The following NRG1 variants were observed in gnomAD, a reference collection of about 807,000 sequenced individuals.
The protein encoded by NRG1 is pro-neuregulin-1, membrane-bound isoform.
Under a neutral mutation model 63.8 loss-of-function variants are expected in NRG1, and 18 were observed. The ratio of observed to expected loss-of-function variants is 0.28; its 90% CI spans 0.19 to 0.42. The LOEUF (loss-of-function observed/expected upper bound fraction) is 0.42. Among genes scored for constraint, NRG1 ranks in the 10% least tolerant of loss-of-function variants. The probability of loss-of-function intolerance (pLI) is 1.00; values close to 1 mark genes in which losing one functional copy is unlikely to be tolerated. For missense variants in NRG1, 762 were observed against 814.7 expected, an observed-to-expected ratio of 0.94 and a Z score of 0.79; for synonymous variants, 302 against 301.3, an observed-to-expected ratio of 1.00 and a Z score of -0.02.
At chr8:32,383,059 T>TAA (rs56030067) in intron 1 of NRG1, among the ~76,000 whole-genome samples, 20 of 126,484 alleles carry the variant, frequency 1.6e-4, no homozygotes, top group East Asian at 1.2e-3. Context: ...TCGTCCCTAC[T>TAA]AAAAAAAAAA....
At chr8:32,483,829 G>A (rs1374988884) in intron 1 of NRG1, among the ~76,000 whole-genome samples, 1 of 152,176 alleles carries the variant, frequency 6.6e-6, no homozygotes, top group Non-Finnish European at 1.5e-5. Context: ...AAGTGGCCAG[G>A]TGCGGTGGCT....
intron 5 of NRG1, among the ~76,000 whole-genome samples, chr8:32,644,239 T>C (rs888451113): frequency 1.3e-5 from 2 of 152,108 alleles, no homozygotes; most frequent in Non-Finnish European, 2.9e-5. Flanking sequence ...TAGTAAAAAA[T>C]TGTGTAGTTT....
intron 5 of NRG1, chr8:32,648,420 T>G (rs781223462): frequency 1.3e-6 from 2 of 1,599,238 alleles, no homozygotes; most frequent in Non-Finnish European, 1.7e-6. Context: ...ATGATGATGA[T>G]GAATAAAAGG....
intron 1 of NRG1, among the ~76,000 whole-genome samples, chr8:32,088,380 T>C (rs1193924530): frequency 1.3e-5 from 2 of 152,214 alleles, no homozygotes; most frequent in African/African-American, 4.8e-5. Flanking sequence ...GTAAACATTG[T>C]GGAAAGTAAG....
At chr8:32,773,357 C>T (rs1477139049) in intron 7 of NRG1, among the ~76,000 whole-genome samples, 1 of 152,120 alleles carries the variant, frequency 6.6e-6, no homozygotes, top group Non-Finnish European at 1.5e-5. Context: ...AGGGAAGGAA[C>T]TTGAATCCTT....
At chr8:31,859,932 GT>G (rs200993242) in intron 1 of NRG1, among the ~76,000 whole-genome samples, 1,887 of 152,168 alleles carry the variant, frequency 0.012, 29 homozygotes, top group Non-Finnish European at 0.02. Flanking sequence ...AGCCTGCTTA[GT>G]TTTTTTTCCC....
intron 1 of NRG1, among the ~76,000 whole-genome samples, chr8:32,495,836 C>T (rs1377588044): frequency 6.6e-6 from 1 of 152,154 alleles, no homozygotes. Flanking sequence ...CAAACTAATA[C>T]ATCAGAAGTT....
chr8:32,253,928 G>A (rs887030688), intron 1 of NRG1, among the ~76,000 whole-genome samples: 2 of 152,178 alleles, frequency 1.3e-5, no homozygotes, highest in African/African-American at 2.4e-5. Flanking sequence ...GAGGGTGTAT[G>A]TGTCTAGGAG....
chr8:31,828,495 G>C (rs1237835874), intron 1 of NRG1, among the ~76,000 whole-genome samples: 1 of 152,098 alleles, frequency 6.6e-6, no homozygotes, highest in Non-Finnish European at 1.5e-5. Context: ...GCTCGACTGG[G>C]TCCAATAATC....
At chr8:32,138,682 C>G (rs1033779433) in intron 1 of NRG1, among the ~76,000 whole-genome samples, 1 of 152,080 alleles carries the variant, frequency 6.6e-6, no homozygotes, top group Non-Finnish European at 1.5e-5. Context: ...TCTGCCTCAG[C>G]CTCCCAAGTA....
At chr8:31,926,412 TCTAA>T (rs1196120548) in intron 1 of NRG1, among the ~76,000 whole-genome samples, 2 of 152,212 alleles carry the variant, frequency 1.3e-5, no homozygotes, top group African/African-American at 4.8e-5. Flanking sequence ...TCTGTCAAGT[TCTAA>T]CTGTCTTAAT....
At chr8:32,605,467 C>T in intron 2 of NRG1, 95 bp from the exon 3 acceptor site, 3 of 1,394,534 alleles carry the variant, frequency 2.2e-6, no homozygotes, top group Non-Finnish European at 3.0e-6. Flanking sequence ...TGGGGAGAGG[C>T]AGTTTGAGAA....
intron 1 of NRG1, among the ~76,000 whole-genome samples, chr8:31,725,025 C>T (rs1350739318): frequency 6.6e-6 from 1 of 152,116 alleles, no homozygotes; most frequent in South Asian, 2.1e-4. Context: ...TTTATAGATA[C>T]AGAAATTTGA....
rs566389168 is a variant in NRG1, at chr8:32,698,751, T to C, written c.503-29198T>C. 2.0e-5 allele frequency among the ~76,000 whole-genome samples: 3 copies of C among 152,302 alleles called. No homozygotes were observed. The South Asian group carries it at 6.2e-4, about 32-fold the overall frequency. On this transcript the variant is annotated intron_variant, in intron 5 of 11. Transcript: ENST00000356819. ...TTCTTCCAAGGCTAATTTTGGAGGC[T>C]TTCTAGTCTTTCTTTTGGGATCAAA... is the stretch of plus-strand genomic sequence containing the variant.
intron 2 of NRG1, among the ~76,000 whole-genome samples, chr8:32,599,249 T>C (rs1408515745): frequency 1.3e-5 from 2 of 152,144 alleles, no homozygotes; most frequent in African/African-American, 4.8e-5. Context: ...TGACTTAAAC[T>C]TTTTCTTAGG....
In NRG1 at chr8:32,390,808, C is replaced by T. The variant is rs914635603; in HGVS notation, c.38-205020C>T. Among the ~76,000 whole-genome samples, 5 of 152,042 alleles carry T rather than the reference C, an allele frequency of 3.3e-5. No homozygotes were observed. The East Asian group carries it at 7.7e-4, about 24-fold the overall frequency. ...AAAGGACAGAGCCTGTATTCCCATT[C>T]GTAGTACCAGCGTTCAGCACAGTAG... On this transcript the variant is annotated intron_variant, in intron 1 of 10. Transcript: ENST00000519301.
At chr8:32,339,664 A>C (rs560853748) in intron 1 of NRG1, among the ~76,000 whole-genome samples, 1 of 152,302 alleles carries the variant, frequency 6.6e-6, no homozygotes, top group South Asian at 2.1e-4. Flanking sequence ...CAACCAATTT[A>C]TGAAATGGGC....
At chr8:32,189,251 A>T (rs1585955726) in intron 1 of NRG1, among the ~76,000 whole-genome samples, 1 of 152,174 alleles carries the variant, frequency 6.6e-6, no homozygotes, top group Admixed American at 6.5e-5. Flanking sequence ...CCCCCTCAGT[A>T]GTCCCCAGTG....
chr8:32,152,635 A>G (rs58679783), intron 1 of NRG1, among the ~76,000 whole-genome samples: 1 of 152,190 alleles, frequency 6.6e-6, no homozygotes, highest in African/African-American at 2.4e-5. Context: ...TTACAGGAAG[A>G]CATTATGTTT....
Sources: gnomAD v4.1 joint callset for allele counts (sites outside exome capture counted in the v4.1 genomes callset) on GRCh38, gnomAD v4.1.1 for gene constraint, MANE v1.5 for transcripts, NCBI Gene and HGNC (gene_info 2026-07-23, HGNC 2026-07-21) for gene names.